The following PPARGC1A variants were observed in gnomAD, a reference collection of about 807,000 sequenced individuals.
PPARGC1A encodes PPARG coactivator 1 alpha.
A neutral mutation model predicts 88.7 loss-of-function variants in PPARGC1A; 25 were observed. The ratio of observed to expected loss-of-function variants is 0.28; its 90% CI spans 0.21 to 0.39. The LOEUF is 0.39. Ranked by LOEUF, PPARGC1A falls within the 10% of genes least tolerant of loss-of-function variation. The pLI, the probability that PPARGC1A is intolerant of heterozygous loss-of-function variation, is 1.00. For missense variants in PPARGC1A, 880 were observed against 968.7 expected, an observed-to-expected ratio of 0.91 and a Z score of 1.22; for synonymous variants, 363 against 355.6, an observed-to-expected ratio of 1.02 and a Z score of -0.24.
chr4:23,822,478 A>G (rs1045143719), intron 7 of PPARGC1A, among the ~76,000 whole-genome samples: 25 of 152,006 alleles, frequency 1.6e-4, no homozygotes, highest in African/African-American at 6.0e-4. Context: ...TGCCTTTATC[A>G]TTTTAAAAAA....
chr4:24,243,286 T>C, the PPARGC1A span, among the ~76,000 whole-genome samples: 2 of 152,220 alleles, frequency 1.3e-5, no homozygotes, highest in South Asian at 2.1e-4. Flanking sequence ...ATCCTCATCA[T>C]GCACTTATTG....
the PPARGC1A span, among the ~76,000 whole-genome samples, chr4:24,130,557 A>G: frequency 1.3e-5 from 2 of 152,100 alleles, no homozygotes; most frequent in Admixed American, 6.6e-5. Context: ...GTTCAGAGAG[A>G]TTACATAACT....
the PPARGC1A span, among the ~76,000 whole-genome samples, chr4:24,264,610 C>T: frequency 1.3e-5 from 2 of 152,264 alleles, 1 homozygote; most frequent in Non-Finnish European, 2.9e-5. Context: ...TCATTGGCAA[C>T]ATGCGGAACC....
chr4:24,301,898 T>A, the PPARGC1A span, among the ~76,000 whole-genome samples: 3 of 152,258 alleles, frequency 2.0e-5, no homozygotes, highest in South Asian at 6.2e-4. Context: ...AGGTGCCCCA[T>A]AAATGTCTGC....
the PPARGC1A span, among the ~76,000 whole-genome samples, chr4:24,470,159 T>C: frequency 1.3e-5 from 2 of 152,002 alleles, no homozygotes; most frequent in Non-Finnish European, 2.9e-5. This position sits in a 1 kb window ranked among gnomAD's most constrained non-coding sequence, Gnocchi z 5.8. Flanking sequence ...GGCGCGGCGC[T>C]GCCGAGGATG....
the PPARGC1A span, among the ~76,000 whole-genome samples, chr4:24,260,349 A>G: frequency 2.0e-5 from 3 of 152,234 alleles, no homozygotes; most frequent in African/African-American, 7.2e-5. Flanking sequence ...GAAAGATGCC[A>G]CATCAGCTGT....
the PPARGC1A span, among the ~76,000 whole-genome samples, chr4:24,105,220 T>TTC: frequency 2.0e-5 from 3 of 152,206 alleles, no homozygotes; most frequent in Admixed American, 2.0e-4. Flanking sequence ...ATTTTCAGAC[T>TTC]TCTTCATGGT....
chr4:24,456,256 G>T, the PPARGC1A span, among the ~76,000 whole-genome samples: 1 of 152,208 alleles, frequency 6.6e-6, no homozygotes. Context: ...GATGGCAAGG[G>T]ATGATATCCA....
the PPARGC1A span, among the ~76,000 whole-genome samples, chr4:24,254,845 T>C: frequency 6.6e-6 from 1 of 152,240 alleles, no homozygotes; most frequent in Non-Finnish European, 1.5e-5. Context: ...GCTGAGATTT[T>C]TACAATTTGG....
chr4:24,044,911 CT>C, the PPARGC1A span, among the ~76,000 whole-genome samples: 344 of 152,342 alleles, frequency 2.3e-3, 1 homozygote, highest in African/African-American at 8.0e-3. Context: ...TTGTCTTGCA[CT>C]TCTGGGCGGT....
At chr4:23,995,860 T>C in the PPARGC1A span, among the ~76,000 whole-genome samples, 1 of 152,284 alleles carries the variant, frequency 6.6e-6, no homozygotes, top group African/African-American at 2.4e-5. Context: ...TAGTTTTATA[T>C]GTTCATTGAT....
At chr4:24,373,658 G>A in the PPARGC1A span, among the ~76,000 whole-genome samples, 8 of 152,108 alleles carry the variant, frequency 5.3e-5, no homozygotes, top group African/African-American at 1.9e-4. Context: ...GTTGTGGGTG[G>A]GAAAAAGGAG....
At chr4:23,974,310 G>A in the PPARGC1A span, among the ~76,000 whole-genome samples, 1 of 152,202 alleles carries the variant, frequency 6.6e-6, no homozygotes, top group African/African-American at 2.4e-5. Flanking sequence ...ACCAATAAGA[G>A]TAACAATAAT....
the PPARGC1A span, among the ~76,000 whole-genome samples, chr4:24,122,409 G>GCA: frequency 1.9e-3 from 262 of 137,552 alleles, no homozygotes; most frequent in African/African-American, 6.8e-3. Flanking sequence ...GTGTGTGTGT[G>GCA]TGTGTGCATA....
the PPARGC1A span, among the ~76,000 whole-genome samples, chr4:24,310,205 G>T: frequency 2.0e-5 from 3 of 152,286 alleles, no homozygotes; most frequent in East Asian, 5.8e-4. Flanking sequence ...TGAAAATGTG[G>T]CATGTAACAT....
chr4:24,065,332 C>G, the PPARGC1A span, among the ~76,000 whole-genome samples: 3 of 152,066 alleles, frequency 2.0e-5, no homozygotes, highest in African/African-American at 7.2e-5. Context: ...AGAACTACAT[C>G]CTGTCCTTCA....
the PPARGC1A span, among the ~76,000 whole-genome samples, chr4:23,941,218 A>T: frequency 1.4e-4 from 21 of 151,680 alleles, no homozygotes; most frequent in Non-Finnish European, 2.1e-4. Context: ...CACCCAACAA[A>T]TTTTTTTAAT....
chr4:24,049,322 A>ATATG, the PPARGC1A span, among the ~76,000 whole-genome samples: 516 of 141,976 alleles, frequency 3.6e-3, 2 homozygotes, highest in East Asian at 7.1e-3. Flanking sequence ...ATATATATAT[A>ATATG]TGTGTGTGTG....
the PPARGC1A span, among the ~76,000 whole-genome samples, chr4:24,205,390 C>T: frequency 2.6e-5 from 4 of 152,058 alleles, no homozygotes; most frequent in South Asian, 2.1e-4. Context: ...GAGTGGTCAC[C>T]GCCAGTATGA....
Sources: gnomAD v4.1 joint callset for allele counts (sites outside exome capture counted in the v4.1 genomes callset) on GRCh38, gnomAD v4.1.1 for gene constraint, Gnocchi (gnomAD v3.1) non-coding constraint, MANE v1.5 for transcripts, NCBI Gene and HGNC (gene_info 2026-07-23, HGNC 2026-07-21) for gene names.